RPAP1: variants seen among roughly 807,000 people sequenced by gnomAD.
RPAP1 encodes RNA polymerase II associated protein 1.
RPAP1 carries 109 observed loss-of-function variants against 142.4 expected under a neutral mutation model. The ratio of observed to expected loss-of-function variants is 0.77; its 90% CI spans 0.66 to 0.90. RPAP1 has a LOEUF of 0.90. Among genes scored for constraint, RPAP1 ranks in the 40% least tolerant of loss-of-function variants. The pLI, the probability that RPAP1 is intolerant of heterozygous loss-of-function variation, is 0.00. For missense variants in RPAP1, 1,546 were observed against 1,751.7 expected (o/e 0.88, Z 2.10); for synonymous variants, 704 against 738.9 (o/e 0.95, Z 0.77).
rs577434548 is a variant in RPAP1, at chr15:41,526,299, G to A, written c.1917+599C>T. On this transcript the variant is annotated intron_variant, in intron 14 of 24. Transcript: ENST00000304330. Reference sequence around the variant, plus strand: ...CTCGCCCTGTTGCCTAGGCTGTAGTGCAGTGATTGGTGCAACCAGCCCACT... The same window carrying A: ...CTCGCCCTGTTGCCTAGGCTGTAGTACAGTGATTGGTGCAACCAGCCCACT... Among the ~76,000 whole-genome samples, 8 of 152,344 alleles carry A rather than the reference G, an allele frequency of 5.3e-5. No individual in the cohort carries two copies. In the East Asian group the frequency reaches 1.5e-3, roughly 29 times the overall value.
At chr15:41,527,143 A>G in intron 13 of RPAP1, 24 bp downstream of exon 13, 1 of 1,613,892 alleles carries the variant, frequency 6.2e-7, no homozygotes, top group Non-Finnish European at 8.5e-7. Flanking sequence ...CTTTTTGCCC[A>G]TTCCCTGCTC....
chr15:41,522,333 C>T, intron 19 of RPAP1, 83 bp from the exon 20 acceptor site: 3 of 1,370,542 alleles, frequency 2.2e-6, no homozygotes, highest in African/African-American at 1.4e-5. Flanking sequence ...CCTCTCCAGA[C>T]TCAGGGAAAT....
intron 2 of RPAP1, 81 bp downstream of exon 2, chr15:41,536,864 G>C: frequency 6.6e-7 from 1 of 1,522,312 alleles, no homozygotes; most frequent in Non-Finnish European, 9.0e-7. Context: ...TGATGTGTCT[G>C]AATCCAACCA....
At chr15:41,534,421 CAA>C (rs547606514) in intron 6 of RPAP1, among the ~76,000 whole-genome samples, 11 of 122,448 alleles carry the variant, frequency 9.0e-5, no homozygotes, top group Admixed American at 2.5e-4. Flanking sequence ...TCTGTCCCCC[CAA>C]AAAAAAAAAA....
chr15:41,523,186 C>T (rs966501992), intron 18 of RPAP1, 59 bp downstream of exon 18: 3 of 1,272,578 alleles, frequency 2.4e-6, no homozygotes, highest in Non-Finnish European at 3.3e-6. Flanking sequence ...CCAGGAATCC[C>T]ACAAGGAAAG....
Position 41,522,857 on chromosome 15 carries a change from G to C in RPAP1, c.2650C>G (p.Leu884Val). ...GCSGGCPRLSLAGSASPFPFL... is the reference protein window; with the variant it reads ...GCSGGCPRLSVAGSASPFPFL... ...GGGAAGGGTGAGGCTGAGCCAGCCA[G>C]ACTGAGACGGGGGCAGCCTCCCGAG... is the stretch of plus-strand genomic sequence containing the variant. Residue 884 changes from leucine to valine, a missense_variant, in exon 19 of 25, where the codon CTG becomes GTG. Physicochemically the swap from Leu to Val is conservative, Grantham distance 32 (BLOSUM62 1). Around this residue, in one of 3 missense-constraint regions of RPAP1, gnomAD observed 1,333 missense variants for 1,486.6 expected, o/e 0.90. Coordinates refer to ENST00000304330, the MANE Select transcript of RPAP1 (RefSeq NM_015540.4). The C allele has an allele frequency of 6.3e-7, 1 of 1,581,710 alleles. No homozygotes were observed. Among genetic ancestry groups the C allele is most frequent in the Non-Finnish European group, 8.5e-7 (1 of 1,170,054 alleles).
At chr15:41,523,131 C>G (rs1595481472) in intron 18 of RPAP1, 114 bp downstream of exon 18, 1 of 969,404 alleles carries the variant, frequency 1.0e-6, no homozygotes, top group East Asian at 2.7e-5. Context: ...TCGGGTTTCC[C>G]TCGGGCCGAG....
intron 22 of RPAP1, 101 bp downstream of exon 22, chr15:41,520,290 G>A (rs895983377): frequency 2.3e-6 from 3 of 1,308,698 alleles, no homozygotes; most frequent in Non-Finnish European, 3.2e-6. Context: ...CAAGAGGTAA[G>A]ATGAGGAAGC....
At chr15:41,537,411 G>C (rs2051923045) in intron 1 of RPAP1, among the ~76,000 whole-genome samples, 1 of 152,086 alleles carries the variant, frequency 6.6e-6, no homozygotes, top group South Asian at 2.1e-4. Flanking sequence ...ACAATCTATA[G>C]GTGATAAAAC....
chr15:41,534,874 G>A lies in RPAP1; in HGVS notation c.603C>T (p.Ser201=), dbSNP rs746013280. 1 of 1,614,228 alleles carries A rather than the reference G, an allele frequency of 6.2e-7. No individual in the cohort carries two copies. The highest frequency in any genetic ancestry group is 1.1e-5 in the South Asian group (1 of 91,090). ...CCAGATTGGGTCCCTGAAAGCTGTG[G>A]CTGCTCCCAGGAAGCTGGCAGCCCT... The part of the protein sequence containing the change: ...RNQGCQLPGS[S]HSFQGPNLVT... The change falls in exon 6 of 25, where the codon AGC becomes AGT. Residue 201 remains serine, a synonymous_variant. Coordinates refer to ENST00000304330, the MANE Select transcript of RPAP1 (RefSeq NM_015540.4).
chr15:41,543,011 A>AT (rs2051984846), intron 1 of RPAP1, among the ~76,000 whole-genome samples: 2 of 152,248 alleles, frequency 1.3e-5, no homozygotes, highest in Non-Finnish European at 2.9e-5. Flanking sequence ...ATTCCTACTT[A>AT]TCCATGGATT....
intron 8 of RPAP1, 33 bp downstream of exon 8, chr15:41,529,831 C>A: frequency 6.6e-7 from 1 of 1,512,922 alleles, no homozygotes; most frequent in Non-Finnish European, 9.0e-7. Flanking sequence ...CCCTATCTCA[C>A]CCACCCCTTG....
intron 1 of RPAP1, among the ~76,000 whole-genome samples, chr15:41,541,025 T>C (rs2051967340): frequency 6.6e-6 from 1 of 151,986 alleles, no homozygotes; most frequent in Non-Finnish European, 1.5e-5. Context: ...CATTGCCAAA[T>C]GTCACCTCAG....
At chr15:41,523,673 T>C (rs1438533439) in intron 17 of RPAP1, 98 bp downstream of exon 17, 4 of 999,160 alleles carry the variant, frequency 4.0e-6, no homozygotes, top group Admixed American at 2.0e-5. Flanking sequence ...AATGGGGAAG[T>C]AGGAGTGGAG....
In RPAP1 at chr15:41,535,571, A is replaced by G; in HGVS notation, c.482T>C (p.Ile161Thr). 1 of 1,614,072 alleles carries G rather than the reference A, an allele frequency of 6.2e-7. No homozygotes were observed. The highest frequency in any genetic ancestry group is 8.5e-7 in the Non-Finnish European group (1 of 1,179,982). Residue 161 changes from isoleucine to threonine, a missense_variant, in exon 5 of 25, where the codon ATA (isoleucine) becomes ACA (threonine). Ile to Thr is a moderately conservative substitution (Grantham distance 89, BLOSUM62 -1). Around this residue, in one of 3 missense-constraint regions of RPAP1, gnomAD observed 1,333 missense variants for 1,486.6 expected, o/e 0.90. Coordinates refer to ENST00000304330, the MANE Select transcript of RPAP1 (RefSeq NM_015540.4). Reference protein sequence around the residue: ...IFAQEIAARRIAEAKGPSVGE... With the variant: ...IFAQEIAARRTAEAKGPSVGE... ...AACTGATGGGCCCTTGGCTTCAGCT[A>G]TCCTCCTTGCCGCAATTTCCTGGGC...
intron 1 of RPAP1, among the ~76,000 whole-genome samples, chr15:41,538,258 CA>C (rs1350444247): frequency 3.3e-5 from 5 of 151,984 alleles, no homozygotes; most frequent in African/African-American, 1.2e-4. Flanking sequence ...CAAAACAAAA[CA>C]AAACAAAAAA....
chr15:41,527,803 C>A, intron 11 of RPAP1, 57 bp downstream of exon 11: 1 of 1,598,394 alleles, frequency 6.3e-7, no homozygotes, highest in Non-Finnish European at 8.5e-7. Context: ...TGCCCAGGAA[C>A]AGGAATATGG....
intron 9 of RPAP1, among the ~76,000 whole-genome samples, chr15:41,529,003 C>A (rs1050550087): frequency 6.6e-6 from 1 of 152,080 alleles, no homozygotes; most frequent in Non-Finnish European, 1.5e-5. Flanking sequence ...GACAGAAGAT[C>A]GGCAAATTCT....
chr15:41,522,420 C>T (rs1413366196), intron 19 of RPAP1, 170 bp from the exon 20 acceptor site: 14 of 665,056 alleles, frequency 2.1e-5, no homozygotes, highest in South Asian at 7.7e-5. Context: ...GATGGAGTTT[C>T]GCTCTTGTTG....
Sources: gnomAD v4.1 joint callset for allele counts (sites outside exome capture counted in the v4.1 genomes callset) on GRCh38, gnomAD v4.1.1 for gene constraint, gnomAD v4.1.1 regional missense constraint, MANE v1.5 for transcripts, NCBI Gene and HGNC (gene_info 2026-07-23, HGNC 2026-07-21) for gene names.